FAAH2: variants seen among roughly 807,000 people sequenced by gnomAD.
The protein encoded by FAAH2 is fatty acid amide hydrolase 2.
FAAH2 carries 60 observed loss-of-function variants against 36.9 expected under a neutral mutation model. The ratio of observed to expected loss-of-function variants is 1.63; its 90% CI spans 1.32 to 2.02. The LOEUF (loss-of-function observed/expected upper bound fraction) is 2.02, where lower values mean the gene tolerates loss of function less well. Ranked by LOEUF, FAAH2 falls within the 30% of genes most tolerant of loss-of-function variation. The pLI, the probability that FAAH2 is intolerant of heterozygous loss-of-function variation, is 0.00. For missense variants in FAAH2, 689 were observed against 397.5 expected, an observed-to-expected ratio of 1.73 and a Z score of -6.23; for synonymous variants, 214 against 143.8, an observed-to-expected ratio of 1.49 and a Z score of -3.49.
the FAAH2 span, among the ~76,000 whole-genome samples, chrX:57,161,315 G>C: frequency 8.9e-6 from 1 of 111,782 alleles, no homozygotes; most frequent in Non-Finnish European, 1.9e-5. Flanking sequence ...GTGATGTGGT[G>C]CTGAAAAGAA....
At chrX:57,234,942 A>T in the FAAH2 span, among the ~76,000 whole-genome samples, 2 of 111,449 alleles carry the variant, frequency 1.8e-5, no homozygotes, top group Admixed American at 9.5e-5. Flanking sequence ...GGAGGCTGAG[A>T]CAGGAAAATT....
intron 10 of FAAH2, among the ~76,000 whole-genome samples, chrX:57,455,590 A>T (rs1006804607): frequency 8.9e-6 from 1 of 112,051 alleles, no homozygotes; most frequent in African/African-American, 3.2e-5. Context: ...TTCAAAGTAA[A>T]AGGATGGAGA....
intron 2 of FAAH2, among the ~76,000 whole-genome samples, chrX:57,296,397 T>C (rs1009310117): frequency 1.8e-5 from 2 of 111,908 alleles, no homozygotes; most frequent in East Asian, 2.8e-4. Context: ...GGGTCCTGAC[T>C]GTTACAAGGA....
chrX:57,269,764 GA>G, the FAAH2 span, among the ~76,000 whole-genome samples: 2 of 110,975 alleles, frequency 1.8e-5, no homozygotes, highest in African/African-American at 6.6e-5. Context: ...AATGCCCACA[GA>G]AAAAAGTTAG....
the FAAH2 span, among the ~76,000 whole-genome samples, chrX:57,176,230 T>G: frequency 9.1e-6 from 1 of 109,800 alleles, no homozygotes; most frequent in African/African-American, 3.4e-5. Flanking sequence ...TTTGGCCATT[T>G]TGTATAATCC....
At chrX:57,328,328 A>G (rs774538854) in intron 3 of FAAH2, among the ~76,000 whole-genome samples, 8 of 111,695 alleles carry the variant, frequency 7.2e-5, no homozygotes, top group Non-Finnish European at 1.5e-4. Context: ...TCAGATCTCA[A>G]GCTGCGTGCT....
the FAAH2 span, among the ~76,000 whole-genome samples, chrX:57,242,019 C>T: frequency 8.9e-6 from 1 of 112,356 alleles, no homozygotes; most frequent in Admixed American, 9.4e-5. Context: ...GCAGCTTCAG[C>T]AGACTTAAAT....
At chrX:57,459,150 G>A (rs1486243514) in intron 10 of FAAH2, among the ~76,000 whole-genome samples, 3 of 112,324 alleles carry the variant, frequency 2.7e-5, no homozygotes, top group African/African-American at 9.7e-5. Flanking sequence ...GGGGGGAGGG[G>A]CATCCGCCAT....
the FAAH2 span, among the ~76,000 whole-genome samples, chrX:57,151,045 T>A: frequency 3.6e-5 from 4 of 112,144 alleles, no homozygotes; most frequent in South Asian, 1.5e-3. Flanking sequence ...GATATGAAAT[T>A]CTGGGTTGAA....
intron 4 of FAAH2, among the ~76,000 whole-genome samples, chrX:57,335,820 C>T (rs747516850): frequency 3.6e-5 from 4 of 111,866 alleles, no homozygotes; most frequent in South Asian, 3.8e-4. Context: ...GAGGTACCTG[C>T]GGCCTTCTGC....
At chrX:57,257,771 T>A in the FAAH2 span, among the ~76,000 whole-genome samples, 2 of 110,697 alleles carry the variant, frequency 1.8e-5, no homozygotes, top group African/African-American at 6.6e-5. Flanking sequence ...TAACCAAGGA[T>A]GTGAAAAATC....
the FAAH2 span, among the ~76,000 whole-genome samples, chrX:57,230,819 C>T: frequency 3.6e-5 from 4 of 110,706 alleles, no homozygotes; most frequent in Admixed American, 9.7e-5. Flanking sequence ...ACATACTAAG[C>T]ATAATTATTT....
chrX:57,434,631 A>T (rs1426482148), intron 8 of FAAH2, among the ~76,000 whole-genome samples: 1 of 110,373 alleles, frequency 9.1e-6, no homozygotes, highest in Non-Finnish European at 1.9e-5. Context: ...AGCCCTTAAG[A>T]TGAGTGTGCA....
intron 7 of FAAH2, among the ~76,000 whole-genome samples, chrX:57,419,746 G>A (rs1249459895): frequency 8.9e-6 from 1 of 111,735 alleles, no homozygotes; most frequent in Non-Finnish European, 1.9e-5. Context: ...GTCAATTTAG[G>A]TTTTTGTTGC....
At chrX:57,338,828 A>G (rs1206430224) in intron 4 of FAAH2, among the ~76,000 whole-genome samples, 1 of 111,825 alleles carries the variant, frequency 8.9e-6, no homozygotes, top group East Asian at 2.8e-4. Flanking sequence ...AAATAGCCAT[A>G]CTGCCCAAAG....
chrX:57,252,812 C>T, the FAAH2 span, among the ~76,000 whole-genome samples: 1 of 112,287 alleles, frequency 8.9e-6, no homozygotes, highest in African/African-American at 3.2e-5. Flanking sequence ...GGGAAGAAAC[C>T]AGAGCAGAAA....
chrX:57,353,487 T>TAAAAAAAAAAAA (rs3035714), intron 5 of FAAH2, among the ~76,000 whole-genome samples: 70 of 83,569 alleles, frequency 8.4e-4, no homozygotes, highest in Non-Finnish European at 1.1e-3. Context: ...CCCAAATTAT[T>TAAAAAAAAAAAA]AAAAAAAAAA....
At chrX:57,366,497 G>T (rs1239064381) in intron 5 of FAAH2, among the ~76,000 whole-genome samples, 1 of 112,422 alleles carries the variant, frequency 8.9e-6, no homozygotes, top group African/African-American at 3.2e-5. Context: ...TGGGCTTGTG[G>T]TCATCCCCCA....
At chrX:57,452,135 C>G in intron 10 of FAAH2, 2 of 752,769 alleles carry the variant, frequency 2.7e-6, no homozygotes, top group Non-Finnish European at 3.1e-6. Context: ...CTTTAGGTGT[C>G]TGTACTCAAA....
Sources: allele counts gnomAD v4.1 joint callset (sites outside exome capture counted in the v4.1 genomes callset), GRCh38; gene constraint gnomAD v4.1.1; transcripts MANE v1.5; gene names NCBI Gene and HGNC (gene_info 2026-07-23, HGNC 2026-07-21).